GABRG3: variants seen among roughly 807,000 people sequenced by gnomAD.
GABRG3 encodes gamma-aminobutyric acid receptor subunit gamma-3.
In GABRG3, 25 loss-of-function variants were observed where a neutral mutation model predicts 48.8. That is an observed-to-expected ratio of 0.51 (90% CI 0.37 to 0.72). The LOEUF is 0.72. GABRG3 is among the 30% of genes least tolerant of loss of function. The pLI, the probability that GABRG3 is intolerant of heterozygous loss-of-function variation, is 0.00. For missense variants in GABRG3, 394 were observed against 577.9 expected (o/e 0.68, Z 3.26); for synonymous variants, 227 against 217.6 (o/e 1.04, Z -0.38).
At chr15:27,323,804 C>T (rs1595677287) in intron 3 of GABRG3, among the ~76,000 whole-genome samples, 7 of 152,284 alleles carry the variant, frequency 4.6e-5, no homozygotes, top group South Asian at 4.1e-4. Context: ...TCAGTCTGGA[C>T]GGGCTCCTCT....
At chr15:27,320,951 G>C (rs1893404447) in intron 3 of GABRG3, among the ~76,000 whole-genome samples, 1 of 152,156 alleles carries the variant, frequency 6.6e-6, no homozygotes, top group African/African-American at 2.4e-5. Context: ...GGAGCCACGT[G>C]CCCCTCTGTG....
intron 3 of GABRG3, among the ~76,000 whole-genome samples, chr15:27,140,384 C>A (rs1396333610): frequency 6.6e-6 from 1 of 152,146 alleles, no homozygotes; most frequent in Non-Finnish European, 1.5e-5. Flanking sequence ...AATCCCTACA[C>A]GTTTGGGCAC....
intron 3 of GABRG3, among the ~76,000 whole-genome samples, chr15:27,324,149 C>T (rs541706858): frequency 7.2e-5 from 11 of 152,224 alleles, no homozygotes; most frequent in Non-Finnish European, 1.6e-4. Context: ...GAAAAATACA[C>T]TTCTCCCATC....
intron 3 of GABRG3, among the ~76,000 whole-genome samples, chr15:27,229,633 C>A (rs1209981544): frequency 6.6e-6 from 1 of 152,040 alleles, no homozygotes; most frequent in African/African-American, 2.4e-5. Context: ...TGCACCACCA[C>A]GCCCGGCTAA....
intron 2 of GABRG3, among the ~76,000 whole-genome samples, chr15:27,000,508 G>C (rs1895424208): frequency 6.6e-6 from 1 of 152,124 alleles, no homozygotes; most frequent in African/African-American, 2.4e-5. Flanking sequence ...GGTGGTGCCT[G>C]ATGGAGGTGA....
At chr15:27,292,428 TA>T (rs145757222) in intron 3 of GABRG3, among the ~76,000 whole-genome samples, 128 of 147,174 alleles carry the variant, frequency 8.7e-4, no homozygotes, top group East Asian at 7.7e-3. Context: ...TAAAGTATGA[TA>T]AAAAAAAAAT....
At chr15:27,201,707 T>C (rs777633150) in intron 3 of GABRG3, among the ~76,000 whole-genome samples, 3 of 152,204 alleles carry the variant, frequency 2.0e-5, no homozygotes, top group Admixed American at 6.5e-5. Context: ...TCTGGTCTTT[T>C]ATCCTTTTAT....
intron 3 of GABRG3, among the ~76,000 whole-genome samples, chr15:27,083,905 T>C (rs939870909): frequency 3.3e-5 from 5 of 152,226 alleles, no homozygotes; most frequent in African/African-American, 1.2e-4. Flanking sequence ...TGACATGCTG[T>C]GAAGGTAAGC....
intron 5 of GABRG3, among the ~76,000 whole-genome samples, chr15:27,424,342 G>A (rs1249541570): frequency 6.6e-6 from 1 of 152,126 alleles, no homozygotes; most frequent in Admixed American, 6.5e-5. Context: ...AAGGAGGCTA[G>A]GAAGTCCAAG....
In GABRG3 at chr15:27,026,711, T is replaced by C. The variant is rs1418233888; in HGVS notation, c.203-43T>C. 2.0e-6 allele frequency: 3 copies of C among 1,476,720 alleles called. No homozygotes were observed. In the African/African-American group the frequency reaches 4.2e-5, roughly 21 times the overall value. The allele number at this position is 1,476,720 out of a possible 1,614,324, so 91.5% of individuals were successfully genotyped here. A position where few individuals can be genotyped will look rare whatever the true frequency, so the allele number is the denominator to read the frequency against. The stretch of plus-strand genomic sequence containing the variant: ...ACTTGAATGTGCTCTCCTCTGTCTT[T>C]CTCCGGCACGAAGTATTAACATACA... On this transcript the variant is annotated intron_variant, in intron 2 of 9. Coordinates refer to ENST00000615808, the MANE Select transcript of GABRG3 (RefSeq NM_033223.5).
At chr15:27,423,738 T>C (rs1019881864) in intron 5 of GABRG3, among the ~76,000 whole-genome samples, 2 of 139,882 alleles carry the variant, frequency 1.4e-5, no homozygotes, top group Non-Finnish European at 3.1e-5. Context: ...TTTTTTTTTT[T>C]TTTTTTTTTT....
At chr15:27,374,542 C>A (rs72703839) in intron 5 of GABRG3, among the ~76,000 whole-genome samples, 1 of 152,000 alleles carries the variant, frequency 6.6e-6, no homozygotes, top group Non-Finnish European at 1.5e-5. Context: ...ATCCATACAC[C>A]CTGGTTGTAT....
rs918445630 is a variant in GABRG3, at chr15:27,042,717, G to C, written c.270+15896G>C. Reference sequence around the variant, plus strand: ...TGTCAGTCTCTCCACATGCCCTTGGGGCTATGCCCTGGGTGGTGCTGCTCC... The same window carrying C: ...TGTCAGTCTCTCCACATGCCCTTGGCGCTATGCCCTGGGTGGTGCTGCTCC... On this transcript the variant is annotated intron_variant, in intron 3 of 9. Coordinates refer to ENST00000615808, the MANE Select transcript of GABRG3 (RefSeq NM_033223.5). 3.3e-5 allele frequency among the ~76,000 whole-genome samples: 5 copies of C among 152,222 alleles called. No individual in the cohort carries two copies. In the South Asian group the frequency reaches 8.3e-4, roughly 25 times the overall value.
chr15:27,062,298 T>C (rs2140724255), intron 3 of GABRG3, among the ~76,000 whole-genome samples: 1 of 151,836 alleles, frequency 6.6e-6, no homozygotes, highest in South Asian at 2.1e-4. Flanking sequence ...CTGACCACTT[T>C]TAAAAGACTG....
chr15:27,294,630 G>T (rs1006887699), intron 3 of GABRG3, among the ~76,000 whole-genome samples: 1 of 152,168 alleles, frequency 6.6e-6, no homozygotes, highest in African/African-American at 2.4e-5. Context: ...TTACCAGGAA[G>T]CTTGTTAGAA....
rs78321693 is a variant in GABRG3 at position 27,234,849 on chromosome 15, A to T, written c.271-91960A>T. Among the ~76,000 whole-genome samples, 1,428 of 152,228 alleles carry T rather than the reference A, an allele frequency of 9.4e-3. 20 individuals carry two copies. Among genetic ancestry groups the T allele is most frequent in the African/African-American group, 0.03 (1,249 of 41,528 alleles). The stretch of plus-strand genomic sequence containing the variant: ...CCAAAGCAGGCCTGTGTTGTCAAGG[A>T]CCTGCTGCCCAGATGGTGAGAGGGG... On this transcript the variant is annotated intron_variant, in intron 3 of 9. Transcript: ENST00000615808.
chr15:27,193,451 C>T lies in GABRG3; in HGVS notation c.271-133358C>T, dbSNP rs1036173667. Among the ~76,000 whole-genome samples, 268 of 151,366 alleles carry T rather than the reference C, an allele frequency of 1.8e-3. 5 individuals carry two copies. The highest frequency in any genetic ancestry group is 3.1e-3 in the Non-Finnish European group (209 of 67,620). On this transcript the variant is annotated intron_variant, in intron 3 of 9. Coordinates refer to ENST00000615808, the MANE Select transcript of GABRG3 (RefSeq NM_033223.5). ...GGCGCCCCTCCCCCAGCCTCACTGC[C>T]GCCTTGCAGTTTGATCTCAGACTGC...
intron 5 of GABRG3, among the ~76,000 whole-genome samples, chr15:27,353,019 A>T (rs112414870): frequency 6.6e-6 from 1 of 151,930 alleles, no homozygotes; most frequent in South Asian, 2.1e-4. Context: ...GTGTTCCTTC[A>T]TGTTCTTTTC....
intron 6 of GABRG3, among the ~76,000 whole-genome samples, chr15:27,509,564 A>G (rs1254246231): frequency 2.0e-5 from 3 of 152,250 alleles, no homozygotes; most frequent in Non-Finnish European, 2.9e-5. Context: ...TAGATTGGCT[A>G]ATTTCTACTC....
Sources: gnomAD v4.1 joint callset for allele counts (sites outside exome capture counted in the v4.1 genomes callset) on GRCh38, gnomAD v4.1.1 for gene constraint, MANE v1.5 for transcripts, NCBI Gene and HGNC (gene_info 2026-07-23, HGNC 2026-07-21) for gene names.